Variants in SYBU observed in about 807,000 individuals in gnomAD.
SYBU encodes the protein GOLSYN A protein.
A neutral mutation model predicts 35.9 loss-of-function variants in SYBU; 21 were observed. The ratio of observed to expected loss-of-function variants is 0.58; its 90% confidence interval spans 0.41 to 0.84. The LOEUF (loss-of-function observed/expected upper bound fraction) is 0.84. Ranked by LOEUF, SYBU falls within the 40% of genes least tolerant of loss-of-function variation. The pLI is 0.00. For synonymous variants in SYBU, 319 were observed against 324.3 expected (o/e 0.98, Z 0.18); for missense variants, 768 against 848.2 (o/e 0.91, Z 1.17).
chr8:109,682,243 G>A (rs1166736905), upstream of SYBU, among the ~76,000 whole-genome samples: 1 of 152,192 alleles, frequency 6.6e-6, no homozygotes, highest in Non-Finnish European at 1.5e-5. Context: ...GAAGAAGACA[G>A]GAAAATGTGG....
chr8:109,645,487 C>T, upstream of SYBU: 1 of 367,428 alleles, frequency 2.7e-6, no homozygotes, highest in Non-Finnish European at 5.4e-6. Context: ...CTGCAGCTGC[C>T]CGGCTCCAGG....
At chr8:109,579,721 C>CTTTTTTTTTTTT in intron 5 of SYBU, 78 bp downstream of exon 5, 1 of 1,253,422 alleles carries the variant, frequency 8.0e-7, no homozygotes, top group Non-Finnish European at 1.1e-6. Flanking sequence ...AGTTGTATAA[C>CTTTTTTTTTTTT]TTTTTTTTTT....
intron 5 of SYBU, among the ~76,000 whole-genome samples, chr8:109,579,086 A>G (rs1445597195): frequency 6.6e-6 from 1 of 152,148 alleles, no homozygotes; most frequent in Non-Finnish European, 1.5e-5. Flanking sequence ...AAGAAGGCCG[A>G]AGGAGGAGGG....
chr8:109,626,828 T>C (rs549816603), intron 2 of SYBU, among the ~76,000 whole-genome samples: 1 of 152,334 alleles, frequency 6.6e-6, no homozygotes, highest in South Asian at 2.1e-4. Context: ...ATTGCACCAC[T>C]GCACTCCAGC....
chr8:109,659,915 T>C (rs956330658), intron 1 of SYBU, among the ~76,000 whole-genome samples: 3 of 152,142 alleles, frequency 2.0e-5, no homozygotes, highest in African/African-American at 7.2e-5. Context: ...GTAAATTTAT[T>C]ATGTGCAAAT....
intron 2 of SYBU, among the ~76,000 whole-genome samples, chr8:109,630,997 C>T (rs1813560304): frequency 6.6e-6 from 1 of 152,056 alleles, no homozygotes; most frequent in Non-Finnish European, 1.5e-5. Context: ...GGGGCTTGTT[C>T]AATTATGTTG....
intron 3 of SYBU, among the ~76,000 whole-genome samples, chr8:109,605,963 A>C (rs1048946006): frequency 1.3e-5 from 2 of 152,270 alleles, no homozygotes; most frequent in African/African-American, 4.8e-5. Context: ...GCTATGGCTC[A>C]GACTGTGGTA....
intron 3 of SYBU, among the ~76,000 whole-genome samples, chr8:109,602,760 A>G (rs1034085642): frequency 2.0e-5 from 3 of 152,148 alleles, no homozygotes; most frequent in Admixed American, 6.5e-5. Context: ...ACAAACGTCA[A>G]TACAATAAAA....
intron 2 of SYBU, among the ~76,000 whole-genome samples, chr8:109,621,541 G>C (rs539067387): frequency 5.6e-4 from 86 of 152,302 alleles, no homozygotes; most frequent in South Asian, 2.5e-3. Context: ...GTGTGTGTTG[G>C]GGGGGCAATA....
At chr8:109,613,594 C>A (rs895813911) in intron 3 of SYBU, among the ~76,000 whole-genome samples, 1 of 150,690 alleles carries the variant, frequency 6.6e-6, no homozygotes, top group African/African-American at 2.4e-5. Context: ...AGTTAGGTAA[C>A]CTGGGGAGAG....
chr8:109,639,974 C>A (rs1814675700), intron 2 of SYBU, among the ~76,000 whole-genome samples: 1 of 152,120 alleles, frequency 6.6e-6, no homozygotes, highest in South Asian at 2.1e-4. Flanking sequence ...TATCAGAGTT[C>A]TGTAGGAAAG....
In SYBU at chr8:109,691,294, G is replaced by T; in HGVS notation, c.-58+39C>A. On this transcript the variant is annotated intron_variant, in intron 1 of 7. Transcript: ENST00000422135. The surrounding 1 kb of genome is among the most constrained non-coding windows in gnomAD (Gnocchi z 4.7). ...ATCAGTTGCCCTCCCGTGTCCGCGG[G>T]CACTGACAGCAGAGACCGCATAGGC... 2.9e-6 allele frequency: 2 copies of T among 698,448 alleles called. No homozygotes were observed. Among genetic ancestry groups the T allele is most frequent in the Middle Eastern group, 2.3e-4 (1 of 4,344 alleles). The allele number at this position is 698,448 out of a possible 1,614,324, so 43.3% of individuals were successfully genotyped here. A position where few individuals can be genotyped will look rare whatever the true frequency, so the allele number is the denominator to read the frequency against.
Position 109,584,030 on chromosome 8 carries a change from C to A in SYBU, c.530+2030G>T, listed in dbSNP as rs1359220179. 6.6e-6 allele frequency among the ~76,000 whole-genome samples: 1 copy of A among 151,482 alleles called. No homozygotes were observed. Among genetic ancestry groups the A allele is most frequent in the Non-Finnish European group, 1.5e-5 (1 of 67,932 alleles). ...ACGGGGTTTCACCATATTAGCCAGG[C>A]TGGTCTTGAACTCCTGAACTCAGTT... On this transcript the variant is annotated intron_variant, in intron 4 of 6. Transcript: ENST00000276646. This position sits in a 1 kb window ranked among gnomAD's most constrained non-coding sequence, Gnocchi z 4.0.
chr8:109,683,134 C>T (rs577525674), upstream of SYBU, among the ~76,000 whole-genome samples: 45 of 152,316 alleles, frequency 3.0e-4, no homozygotes, highest in African/African-American at 1.1e-3. Flanking sequence ...GTTGGGGGCA[C>T]TGCCTAGTAG....
At chr8:109,601,758 T>C (rs1262266101) in intron 3 of SYBU, among the ~76,000 whole-genome samples, 1 of 152,094 alleles carries the variant, frequency 6.6e-6, no homozygotes, top group Non-Finnish European at 1.5e-5. Flanking sequence ...ACAGGGCATG[T>C]TTAGTACATA....
chr8:109,675,783 A>G (rs2130774046), intron 1 of SYBU, among the ~76,000 whole-genome samples: 1 of 152,336 alleles, frequency 6.6e-6, no homozygotes, highest in East Asian at 1.9e-4. Flanking sequence ...TCCCTAACTC[A>G]TTTTATGAGG....
chr8:109,673,066 G>T (rs766104301), intron 1 of SYBU, among the ~76,000 whole-genome samples: 1 of 152,166 alleles, frequency 6.6e-6, no homozygotes, highest in Non-Finnish European at 1.5e-5. Flanking sequence ...CAACTCTCTC[G>T]GACAGAGCAC....
In SYBU at chr8:109,575,456, C is replaced by G. The variant is rs774642862; in HGVS notation, c.1442G>C (p.Ser481Thr). 6.2e-7 allele frequency: 1 copy of G among 1,614,166 alleles called. No individual in the cohort carries two copies. The highest frequency in any genetic ancestry group is 8.5e-7 in the Non-Finnish European group (1 of 1,180,046). ...CTGAACGGCTCGCTCCACCACCACA[C>G]TGCCCTCCTCCTGACCCATGACTAT... Reference protein sequence around the residue: ...LPIVMGQEEGSVVVERAVQTD... With the variant: ...LPIVMGQEEGTVVVERAVQTD... The change falls in exon 7 of 7, where the codon AGT becomes ACT. Residue 481 changes from serine to threonine, a missense_variant. By Grantham distance (58) the Ser-to-Thr change is moderately conservative. Coordinates refer to ENST00000276646, the MANE Select transcript of SYBU (RefSeq NM_001099754.2).
intron 3 of SYBU, among the ~76,000 whole-genome samples, chr8:109,598,132 T>C (rs1174820083): frequency 6.6e-6 from 1 of 152,242 alleles, no homozygotes; most frequent in Middle Eastern, 3.2e-3. Flanking sequence ...TGAGGACCAC[T>C]GCCCTAAGAC....
Sources: allele counts gnomAD v4.1 joint callset (sites outside exome capture counted in the v4.1 genomes callset), GRCh38; gene constraint gnomAD v4.1.1; non-coding constraint Gnocchi (gnomAD v3.1); transcripts MANE v1.5; gene names NCBI Gene and HGNC (gene_info 2026-07-23, HGNC 2026-07-21).